DRICH1: variants seen among roughly 807,000 people sequenced by gnomAD.
DRICH1 encodes aspartate-rich protein 1.
In DRICH1, 38 loss-of-function variants were observed where a neutral mutation model predicts 39.5. The observed-to-expected ratio is 0.96, with a 90% confidence interval of 0.74 to 1.26. The LOEUF (loss-of-function observed/expected upper bound fraction) is 1.26. Among genes scored for constraint, DRICH1 ranks in the 50% most tolerant of loss-of-function variants. The probability of loss-of-function intolerance (pLI) is 0.00; values close to 1 mark genes in which losing one functional copy is unlikely to be tolerated. For missense variants in DRICH1, 279 were observed against 270.4 expected (o/e 1.03, Z -0.22); for synonymous variants, 84 against 99.5 (o/e 0.84, Z 0.93).
chr22:23,629,027 C>A (rs1263391037), intron 1 of DRICH1, among the ~76,000 whole-genome samples: 1 of 148,810 alleles, frequency 6.7e-6, no homozygotes, highest in Non-Finnish European at 1.5e-5. Flanking sequence ...CCGCTCTTCT[C>A]TTTAATTTTT....
At position 23,608,467 on chromosome 22, in the gene DRICH1, T is replaced by C; in HGVS notation, c.*297A>G. 2.1e-6 allele frequency: 1 copy of C among 481,780 alleles called. No individual in the cohort carries two copies. The highest frequency in any genetic ancestry group is 3.7e-6 in the Non-Finnish European group (1 of 266,814). 29.8% of individuals were successfully genotyped at this position (481,780 alleles called of 1,614,324 possible). A position where few individuals can be genotyped will look rare whatever the true frequency, so the allele number is the denominator to read the frequency against. ...TGCACCTGAATAAATGCACTCAGTC[T>C]CTTTATTTCAAGTGGGAATGGCACT... On this transcript the variant is annotated 3_prime_UTR_variant, in exon 12 of 12. Transcript: ENST00000317749.
intron 6 of DRICH1, 31 bp downstream of exon 6, chr22:23,619,333 A>G: frequency 2.6e-6 from 2 of 780,532 alleles, no homozygotes; most frequent in Non-Finnish European, 4.8e-6. Context: ...TGACTAACAC[A>G]CAATACTACA....
chr22:23,607,533 G>GC (rs1403215358), downstream of DRICH1, among the ~76,000 whole-genome samples: 1 of 64,276 alleles, frequency 1.6e-5, no homozygotes, highest in Non-Finnish European at 3.4e-5. Context: ...TCTTGCTGGC[G>GC]GGGGCGGGGG....
the DRICH1 span, among the ~76,000 whole-genome samples, chr22:23,582,657 C>A: frequency 1.1e-4 from 16 of 151,878 alleles, no homozygotes; most frequent in South Asian, 1.3e-3. Context: ...CCTCTGCCTC[C>A]CGGGTTCGAG....
the DRICH1 span, among the ~76,000 whole-genome samples, chr22:23,596,434 A>G: frequency 2.9e-4 from 43 of 147,882 alleles, no homozygotes; most frequent in South Asian, 9.0e-3. Flanking sequence ...TTTTATTTTT[A>G]TTTGTGCAAA....
chr22:23,605,643 C>T (rs992234932), downstream of DRICH1, among the ~76,000 whole-genome samples: 27 of 147,288 alleles, frequency 1.8e-4, no homozygotes, highest in Middle Eastern at 3.6e-3. Flanking sequence ...TGCCTCCATT[C>T]CCACCCCTGC....
the DRICH1 span, among the ~76,000 whole-genome samples, chr22:23,600,993 G>C: frequency 6.6e-6 from 1 of 152,048 alleles, no homozygotes; most frequent in Non-Finnish European, 1.5e-5. Context: ...ATAAACATAC[G>C]CTTATGCATA....
intron 8 of DRICH1, among the ~76,000 whole-genome samples, chr22:23,614,630 CTTAT>C (rs1303150761): frequency 6.6e-6 from 1 of 152,176 alleles, no homozygotes; most frequent in Non-Finnish European, 1.5e-5. Context: ...GGATTTATTA[CTTAT>C]TTAAAATCAT....
At chr22:23,599,286 T>A in the DRICH1 span, among the ~76,000 whole-genome samples, 1 of 152,184 alleles carries the variant, frequency 6.6e-6, no homozygotes, top group African/African-American at 2.4e-5. Flanking sequence ...CCAGTGTGCG[T>A]GTTCACAGAC....
chr22:23,607,470 G>A (rs1204412935), downstream of DRICH1, among the ~76,000 whole-genome samples: 2 of 151,936 alleles, frequency 1.3e-5, no homozygotes, highest in Non-Finnish European at 1.5e-5. Context: ...CTCATTGTGA[G>A]GATGGGCCAG....
At chr22:23,603,552 C>T (rs1926580439), downstream of DRICH1, among the ~76,000 whole-genome samples, 1 of 152,170 alleles carries the variant, frequency 6.6e-6, no homozygotes, top group Non-Finnish European at 1.5e-5. Context: ...GCCACAAGGA[C>T]CCTGTGGTCT....
chr22:23,625,933 C>G, intron 2 of DRICH1, 48 bp downstream of exon 2: 1 of 1,474,638 alleles, frequency 6.8e-7, no homozygotes, highest in Non-Finnish European at 9.5e-7. Context: ...TTGTTTCTGA[C>G]ATCAGGAAAG....
chr22:23,582,919 T>A, the DRICH1 span, among the ~76,000 whole-genome samples: 1 of 152,196 alleles, frequency 6.6e-6, no homozygotes, highest in Non-Finnish European at 1.5e-5. Flanking sequence ...GAAAATGTTG[T>A]CAACCATCAT....
intron 11 of DRICH1, among the ~76,000 whole-genome samples, chr22:23,609,584 AGCAGG>A (rs1926923986): frequency 1.3e-5 from 2 of 152,110 alleles, no homozygotes; most frequent in African/African-American, 4.8e-5. Flanking sequence ...TGCAGGTGTC[AGCAGG>A]GAGCCCTGGG....
chr22:23,615,576 C>T lies in DRICH1; in HGVS notation c.541+1277G>A, dbSNP rs547184442. 6.2e-4 allele frequency among the ~76,000 whole-genome samples: 95 copies of T among 152,190 alleles called. 1 individual carries two copies. The highest frequency in any genetic ancestry group is 1.2e-3 in the Non-Finnish European group (79 of 68,034). ...AGGAAGACTAAACCTGACTAACACACAATACTACACAGATGATCTACAGAC... is the reference window on the plus strand; with the variant it reads ...AGGAAGACTAAACCTGACTAACACATAATACTACACAGATGATCTACAGAC... On this transcript the variant is annotated intron_variant, in intron 8 of 11. Transcript: ENST00000317749.
At position 23,619,290 on chromosome 22, in the gene DRICH1, G is replaced by C. The variant is rs754769286; in HGVS notation, c.436+74C>G. On this transcript the variant is annotated intron_variant, in intron 6 of 11. Transcript: ENST00000317749. ...AAAAAACATACAAATAAGTTGAAAG[G>C]CTTCCCATATTCATGGATAGGAAGA... The C allele has an allele frequency of 9.5e-5, 73 of 765,068 alleles. 1 individual carries two copies. The highest frequency in any genetic ancestry group is 2.3e-4 in the Middle Eastern group (1 of 4,434). 47.4% of individuals were successfully genotyped at this position (765,068 alleles called of 1,614,324 possible).
At chr22:23,618,108 A>G (rs1927479459) in intron 6 of DRICH1, among the ~76,000 whole-genome samples, 1 of 146,778 alleles carries the variant, frequency 6.8e-6, no homozygotes, top group African/African-American at 2.5e-5. Flanking sequence ...TATTGATCAC[A>G]CATTCTTTTT....
chr22:23,592,956 C>T, the DRICH1 span, among the ~76,000 whole-genome samples: 7 of 150,674 alleles, frequency 4.6e-5, no homozygotes, highest in East Asian at 6.0e-4. Context: ...TCCTTGAACC[C>T]GGGAGGTGGA....
At position 23,624,613 on chromosome 22, in the gene DRICH1, T is replaced by TGGTATCTTTACCA. The variant is rs561932025; in HGVS notation, c.298+257_298+269dup. On this transcript the variant is annotated intron_variant, in intron 3 of 11. Transcript: ENST00000317749. ...CTCCAGAATCCACTCTTTAGGATTCTGGTATCTTTACCAACATCAGGATAA... is the reference window on the plus strand; with the variant it reads ...CTCCAGAATCCACTCTTTAGGATTCTGGTATCTTTACCAGGTATCTTTACCAACATCAGGATAA... Among the ~76,000 whole-genome samples, 62 of 152,296 alleles carry TGGTATCTTTACCA rather than the reference T, an allele frequency of 4.1e-4. 1 individual carries two copies. The South Asian group carries it at 0.012, about 31-fold the overall frequency.
Sources: allele counts gnomAD v4.1 joint callset (sites outside exome capture counted in the v4.1 genomes callset), GRCh38; gene constraint gnomAD v4.1.1; transcripts MANE v1.5; gene names NCBI Gene and HGNC (gene_info 2026-07-23, HGNC 2026-07-21).